RGSL1: variants seen among roughly 807,000 people sequenced by gnomAD.
The protein encoded by RGSL1 is regulator of G protein signaling like 1.
In RGSL1, 97 loss-of-function variants were observed where a neutral mutation model predicts 124.7. The observed-to-expected ratio is 0.78, with a 90% CI of 0.66 to 0.92. The LOEUF is 0.92. Among genes scored for constraint, RGSL1 ranks in the 40% least tolerant of loss-of-function variants. RGSL1 has a pLI of 0.00. For missense variants in RGSL1, 1,233 were observed against 1,288.4 expected, an observed-to-expected ratio of 0.96 and a Z score of 0.66; for synonymous variants, 424 against 438.1, an observed-to-expected ratio of 0.97 and a Z score of 0.40.
At position 182,454,901 on chromosome 1, in the gene RGSL1, C is replaced by T. The variant is rs74664079; in HGVS notation, c.96+861C>T. Among the ~76,000 whole-genome samples the T allele has an allele frequency of 3.2e-3, 482 of 152,220 alleles. 1 individual carries two copies. Among genetic ancestry groups the T allele is most frequent in the African/African-American group, 0.011 (468 of 41,522 alleles). On this transcript the variant is annotated intron_variant, in intron 2 of 21. Coordinates refer to ENST00000294854, the MANE Select transcript of RGSL1 (RefSeq NM_001137669.2). ...ATGAATTGTGACTCATCTTGATGCA[C>T]CCTTTCCCATAAGATGGTATATACT...
chr1:182,554,868 G>C, intron 20 of RGSL1, 175 bp downstream of exon 20: 1 of 631,536 alleles, frequency 1.6e-6, no homozygotes, highest in South Asian at 2.0e-5. Flanking sequence ...GTGTTTCTCT[G>C]TGGGGGTCCT....
At chr1:182,455,972 G>T (rs1652287404) in intron 2 of RGSL1, among the ~76,000 whole-genome samples, 1 of 152,234 alleles carries the variant, frequency 6.6e-6, no homozygotes, top group Non-Finnish European at 1.5e-5. Context: ...AATGGAGGAA[G>T]GGAAAGCGGT....
At chr1:182,480,270 TA>T (rs1654599314) in intron 6 of RGSL1, among the ~76,000 whole-genome samples, 2 of 152,202 alleles carry the variant, frequency 1.3e-5, no homozygotes, top group East Asian at 3.9e-4. Flanking sequence ...AATTTAAGAT[TA>T]AAAATATTCC....
Position 182,530,896 on chromosome 1 carries a change from C to T in RGSL1, c.2350C>T (p.Leu784=). The part of the protein sequence containing the change: ...RKPSKIVSTY[L]QESQKKGWMR... ...GCCCTCAAAGATAGTGTCAACTTAC[C>T]TACAGGAATCCCAGGTTAGTGAAGA... The change falls in exon 13 of 22, where the codon CTA becomes TTA. Residue 784 remains leucine, a synonymous_variant. Transcript: ENST00000294854. 1 of 1,548,082 alleles carries T rather than the reference C, an allele frequency of 6.5e-7. No individual in the cohort carries two copies. The highest frequency in any genetic ancestry group is 8.7e-7 in the Non-Finnish European group (1 of 1,145,458).
chr1:182,535,542 T>G (rs1374374645), intron 14 of RGSL1, among the ~76,000 whole-genome samples: 1 of 152,190 alleles, frequency 6.6e-6, no homozygotes. Flanking sequence ...CTCAAGGGCA[T>G]TCATCCATTT....
chr1:182,558,498 G>C (rs1340850276), intron 21 of RGSL1, among the ~76,000 whole-genome samples: 1 of 152,160 alleles, frequency 6.6e-6, no homozygotes, highest in East Asian at 1.9e-4. Flanking sequence ...TGTCAGGAAG[G>C]CTGTGTTCCC....
intron 14 of RGSL1, among the ~76,000 whole-genome samples, chr1:182,533,518 C>T (rs1427507468): frequency 6.6e-6 from 1 of 151,296 alleles, no homozygotes; most frequent in African/African-American, 2.4e-5. Flanking sequence ...AGTGAGCCTG[C>T]AGCAGAGGAT....
intron 14 of RGSL1, among the ~76,000 whole-genome samples, chr1:182,539,852 C>T (rs1659776735): frequency 6.6e-6 from 1 of 152,162 alleles, no homozygotes; most frequent in Non-Finnish European, 1.5e-5. Flanking sequence ...TTTCTTTGTG[C>T]TGCTTTCCTC....
intron 14 of RGSL1, among the ~76,000 whole-genome samples, chr1:182,535,195 C>CT (rs1396761337): frequency 6.6e-6 from 1 of 152,212 alleles, no homozygotes; most frequent in East Asian, 1.9e-4. Context: ...AGAACTCCCC[C>CT]TTTACCCATC....
chr1:182,513,325 C>A (rs570823775), intron 9 of RGSL1, among the ~76,000 whole-genome samples: 3 of 152,200 alleles, frequency 2.0e-5, no homozygotes, highest in Non-Finnish European at 4.4e-5. Context: ...TTCAGAGGCT[C>A]TGGTTGCCTG....
At chr1:182,508,551 A>G (rs1487187412) in intron 9 of RGSL1, among the ~76,000 whole-genome samples, 6 of 151,642 alleles carry the variant, frequency 4.0e-5, no homozygotes, top group Non-Finnish European at 8.8e-5. Flanking sequence ...CACCCGCCTC[A>G]GCCTCCCAAA....
In RGSL1 at chr1:182,530,375, A is replaced by G. The variant is rs113371705; in HGVS notation, c.2243+14A>G. 2,967 of 1,536,174 alleles carry G rather than the reference A, an allele frequency of 1.9e-3. 39 individuals are homozygous for G. In the African/African-American group the frequency reaches 0.024, roughly 12 times the overall value. On this transcript the variant is annotated intron_variant, in intron 12 of 21. Transcript: ENST00000294854. ...AGAAGAAAAGTGGTGAGTATACTCA[A>G]TTAAGGAAAGGATTCTTCCTGGAGT...
intron 11 of RGSL1, 43 bp from the exon 12 acceptor site, chr1:182,530,201 G>T: frequency 7.1e-7 from 1 of 1,409,318 alleles, no homozygotes; most frequent in Non-Finnish European, 9.6e-7. Context: ...CTCAGAAATG[G>T]TAGATGAGGA....
At chr1:182,481,966 C>A (rs1654739763) in intron 6 of RGSL1, among the ~76,000 whole-genome samples, 1 of 152,088 alleles carries the variant, frequency 6.6e-6, no homozygotes, top group African/African-American at 2.4e-5. Flanking sequence ...AGGCAAGATA[C>A]TGTCTTTAAA....
At chr1:182,524,496 A>G (rs760292336) in intron 10 of RGSL1, among the ~76,000 whole-genome samples, 9 of 152,244 alleles carry the variant, frequency 5.9e-5, no homozygotes, top group Non-Finnish European at 8.8e-5. Context: ...GTCTCTCCAT[A>G]AAAGTAAAAC....
At position 182,472,528 on chromosome 1, in the gene RGSL1, G is replaced by A; in HGVS notation, c.434G>A (p.Arg145Lys). The part of the protein sequence containing the change: ...LRATHLQEGS[R>K]VVTLCNMNIK... Reference sequence around the variant, plus strand: ...GCCACTCATCTGCAGGAGGGCTCCAGGGTGGTAACCCTCTGTAACATGAAC... The same window carrying A: ...GCCACTCATCTGCAGGAGGGCTCCAAGGTGGTAACCCTCTGTAACATGAAC... Residue 145 changes from arginine to lysine, a missense_variant, in exon 5 of 22, where the codon AGG (arginine) becomes AAG (lysine). Arg to Lys is a conservative substitution (Grantham distance 26). Coordinates refer to ENST00000294854, the MANE Select transcript of RGSL1 (RefSeq NM_001137669.2). 2 of 1,547,370 alleles carry A rather than the reference G, an allele frequency of 1.3e-6. No individual in the cohort carries two copies.
chr1:182,502,405 GTC>G lies in RGSL1; in HGVS notation c.1825+9280_1825+9281del, dbSNP rs753558747. ...CAGTCTGAGCACATAATGAGACCCT[GTC>G]TCTACAAAAAATTAAAAAATTAACC... On this transcript the variant is annotated intron_variant, in intron 9 of 21. Coordinates refer to ENST00000294854, the MANE Select transcript of RGSL1 (RefSeq NM_001137669.2). 2.0e-5 allele frequency among the ~76,000 whole-genome samples: 3 copies of G among 152,172 alleles called. No homozygotes were observed. The South Asian group carries it at 6.2e-4, about 32-fold the overall frequency.
intron 4 of RGSL1, among the ~76,000 whole-genome samples, chr1:182,460,924 C>A (rs1652777619): frequency 6.6e-6 from 1 of 152,192 alleles, no homozygotes; most frequent in Non-Finnish European, 1.5e-5. Flanking sequence ...GTTCCTGGGG[C>A]AGCTTACAGG....
At chr1:182,476,090 T>C (rs1654270244) in intron 6 of RGSL1, among the ~76,000 whole-genome samples, 1 of 152,168 alleles carries the variant, frequency 6.6e-6, no homozygotes, top group Non-Finnish European at 1.5e-5. Flanking sequence ...ATTTCCAGTA[T>C]ATCATAATTA....
Sources: allele counts gnomAD v4.1 joint callset (sites outside exome capture counted in the v4.1 genomes callset), GRCh38; gene constraint gnomAD v4.1.1; transcripts MANE v1.5; gene names NCBI Gene and HGNC (gene_info 2026-07-23, HGNC 2026-07-21).